Variants in TNS1 observed in about 807,000 individuals in gnomAD.
TNS1 encodes the protein tensin-1.
TNS1 carries 62 observed loss-of-function variants against 168.6 expected under a neutral mutation model. That is an observed-to-expected ratio of 0.37 (90% CI 0.30 to 0.45). The LOEUF (loss-of-function observed/expected upper bound fraction) is 0.45. Among genes scored for constraint, TNS1 ranks in the 20% least tolerant of loss-of-function variants. The pLI, the probability that TNS1 is intolerant of heterozygous loss-of-function variation, is 1.00. For missense variants in TNS1, 2,240 were observed against 2,339.4 expected (o/e 0.96, Z 0.88); for synonymous variants, 934 against 933.2 (o/e 1.00, Z -0.02).
intron 18 of TNS1, among the ~76,000 whole-genome samples, chr2:217,867,358 A>G (rs1949368060): frequency 1.3e-5 from 2 of 152,250 alleles, no homozygotes; most frequent in African/African-American, 4.8e-5. Flanking sequence ...ACTTACCCAA[A>G]TGAAAATGGT....
rs766275252 is a variant in TNS1 at position 217,817,911 on chromosome 2, G to T, written c.4421C>A (p.Pro1474Gln). 1.1e-5 allele frequency: 17 copies of T among 1,613,704 alleles called. No homozygotes were observed. Among genetic ancestry groups the T allele is most frequent in the Non-Finnish European group, 2.5e-6 (3 of 1,179,858 alleles). ...YPGLSSPATS[P>Q]SPDSAAFRQG... The stretch of plus-strand genomic sequence containing the variant: ...CCGGAAGGCTGCGGAGTCTGGTGAC[G>T]GGGAGGTGGCAGGGCTGCTCAGGCC... Residue 1474 changes from proline to glutamine, a missense_variant, in exon 24 of 33, where the codon CCG (proline) becomes CAG (glutamine). This residue lies in a region of TNS1 where 2,131 missense variants were observed against 2,171.2 expected (regional missense o/e 0.98). Coordinates refer to ENST00000682258, the MANE Select transcript of TNS1 (RefSeq NM_001387777.1).
At chr2:217,981,428 C>G (rs1474196545) in intron 2 of TNS1, among the ~76,000 whole-genome samples, 1 of 152,214 alleles carries the variant, frequency 6.6e-6, no homozygotes, top group Non-Finnish European at 1.5e-5. Context: ...TCAGCAAATG[C>G]CCTCAAGTGG....
At chr2:217,889,475 G>C (rs1341159011) in intron 12 of TNS1, among the ~76,000 whole-genome samples, 1 of 152,220 alleles carries the variant, frequency 6.6e-6, no homozygotes, top group African/African-American at 2.4e-5. Context: ...GGATGCTTTG[G>C]CCTCCAGGCC....
At chr2:217,929,703 C>A (rs950072459) in intron 3 of TNS1, among the ~76,000 whole-genome samples, 10 of 149,976 alleles carry the variant, frequency 6.7e-5, no homozygotes, top group Non-Finnish European at 1.0e-4. Flanking sequence ...CTCCACCCCC[C>A]ACCCGCCCCG....
Position 217,893,469 on chromosome 2 carries a change from G to C in TNS1, c.687C>G (p.Asp229Glu). ...CKAMDTWLNA[D>E]PHNVVVLHNK... ...TGTGTAGAACAACGACATTGTGAGG[G>C]TCTGCATTGAGCCATGTGTCCATGG... The change falls in exon 10 of 33, where the codon GAC (aspartate) becomes GAG (glutamate). Residue 229 changes from aspartate to glutamate, a missense_variant. Physicochemically the swap from Asp to Glu is conservative, Grantham distance 45. Coordinates refer to ENST00000682258, the MANE Select transcript of TNS1 (RefSeq NM_001387777.1). 6.2e-7 allele frequency: 1 copy of C among 1,611,934 alleles called. No homozygotes were observed. The highest frequency in any genetic ancestry group is 8.5e-7 in the Non-Finnish European group (1 of 1,178,530).
intron 1 of TNS1, among the ~76,000 whole-genome samples, chr2:217,999,316 GAC>G (rs1364844386): frequency 2.0e-5 from 3 of 152,232 alleles, no homozygotes; most frequent in Non-Finnish European, 4.4e-5. Flanking sequence ...ACATGTGAGA[GAC>G]ACTTTTCTAA....
At chr2:217,882,037 C>T (rs1446169567) in intron 17 of TNS1, 5 of 263,676 alleles carry the variant, frequency 1.9e-5, no homozygotes, top group Non-Finnish European at 2.8e-5. Context: ...GCCCCCTGCC[C>T]GCCAGCCACT....
At chr2:217,941,214 G>A (rs1465468102) in intron 3 of TNS1, among the ~76,000 whole-genome samples, 1 of 152,212 alleles carries the variant, frequency 6.6e-6, no homozygotes, top group Non-Finnish European at 1.5e-5. Context: ...CTGGGCAGGG[G>A]TTCAAGATGC....
chr2:217,871,308 G>C (rs1001838077), intron 18 of TNS1, among the ~76,000 whole-genome samples: 6 of 152,238 alleles, frequency 3.9e-5, no homozygotes, highest in African/African-American at 1.4e-4. Flanking sequence ...CCCTGCTACT[G>C]CCCCCACCAC....
intron 4 of TNS1, among the ~76,000 whole-genome samples, chr2:217,911,689 A>G (rs1181089624): frequency 6.6e-6 from 1 of 152,190 alleles, no homozygotes; most frequent in East Asian, 1.9e-4. Context: ...TGGGAGATGT[A>G]GTGACTCACC....
In TNS1 at chr2:218,033,745, C is replaced by G. The variant is rs1428738480; in HGVS notation, c.156+75G>C. Among the ~76,000 whole-genome samples the G allele has an allele frequency of 6.6e-6, 1 of 152,228 alleles. No individual in the cohort carries two copies. The highest frequency in any genetic ancestry group is 2.4e-5 in the African/African-American group (1 of 41,458). On this transcript the variant is annotated intron_variant, in intron 1 of 1. Coordinates refer to the TNS1 transcript ENST00000649572. This position sits in a 1 kb window ranked among gnomAD's most constrained non-coding sequence, Gnocchi z 4.3. ...CCTGGGCTGGCTACTTAACCTGTGT[C>G]AGGTGCCCTGGGCTCTGCCAACCGC...
At chr2:218,025,683 C>CT (rs5838678) in intron 1 of TNS1, among the ~76,000 whole-genome samples, 36,682 of 148,378 alleles carry the variant, frequency 0.25, 5,193 homozygotes, top group East Asian at 0.4. Context: ...GGATTTCTTT[C>CT]TTTTTTTTTT....
At chr2:217,821,324 T>C (rs1465499059) in intron 23 of TNS1, among the ~76,000 whole-genome samples, 1 of 152,190 alleles carries the variant, frequency 6.6e-6, no homozygotes. Flanking sequence ...GGAACAATAA[T>C]AGTGCTCACC....
At chr2:217,925,543 G>A (rs535919626) in intron 3 of TNS1, among the ~76,000 whole-genome samples, 2 of 152,298 alleles carry the variant, frequency 1.3e-5, no homozygotes, top group African/African-American at 2.4e-5. Flanking sequence ...TAGCTTAAAC[G>A]AGACCCACGT....
At chr2:217,809,779 A>T (rs1297941163) in intron 30 of TNS1, 44 bp downstream of exon 30, 6 of 1,585,004 alleles carry the variant, frequency 3.8e-6, no homozygotes, top group Non-Finnish European at 5.2e-6. Flanking sequence ...TAGATGAGTC[A>T]CAGGAAGGAG....
chr2:217,861,405 G>A (rs1284412302), intron 18 of TNS1, among the ~76,000 whole-genome samples: 9 of 152,142 alleles, frequency 5.9e-5, no homozygotes, highest in Admixed American at 4.6e-4. Flanking sequence ...GCTTCCAGTC[G>A]TTCTTTATCA....
chr2:217,907,181 C>T (rs1010349307), intron 5 of TNS1, 29 bp downstream of exon 5: 1 of 703,064 alleles, frequency 1.4e-6, no homozygotes, highest in East Asian at 2.7e-5. Flanking sequence ...GCTGTTCCAG[C>T]TCCCCCACCA....
chr2:217,910,713 TACAC>T (rs10554233), intron 4 of TNS1, among the ~76,000 whole-genome samples: 15,269 of 106,598 alleles, frequency 0.14, 900 homozygotes, highest in African/African-American at 0.2. Context: ...CACATACACA[TACAC>T]ACACACACAC....
rs1276206631 is a variant in TNS1, at chr2:217,801,849, C to T, written c.*2610G>A. ...CACTCTCAGAAACTGACTCCTTCCG[C>T]AGGGATGCTGGGAGGGAGTTACCAG... On this transcript the variant is annotated 3_prime_UTR_variant, in exon 33 of 33. Coordinates refer to ENST00000682258, the MANE Select transcript of TNS1 (RefSeq NM_001387777.1). The T allele has an allele frequency of 6.6e-6, 1 of 152,232 alleles. No individual in the cohort carries two copies. Among genetic ancestry groups the T allele is most frequent in the African/African-American group, 2.4e-5 (1 of 41,458 alleles). 9.4% of individuals were successfully genotyped at this position (152,232 alleles called of 1,614,324 possible). A position where few individuals can be genotyped will look rare whatever the true frequency, so the allele number is the denominator to read the frequency against.
Sources: allele counts gnomAD v4.1 joint callset (sites outside exome capture counted in the v4.1 genomes callset), GRCh38; gene constraint gnomAD v4.1.1; regional missense constraint gnomAD v4.1.1; non-coding constraint Gnocchi (gnomAD v3.1); transcripts MANE v1.5; gene names NCBI Gene and HGNC (gene_info 2026-07-23, HGNC 2026-07-21).